The following TBC1D22A variants were observed in gnomAD, a reference collection of about 807,000 sequenced individuals.
TBC1D22A encodes the protein TBC1 domain family member 22A.
Under a neutral mutation model 60.2 loss-of-function variants are expected in TBC1D22A, and 38 were observed. The observed-to-expected ratio is 0.63, with a 90% confidence interval of 0.49 to 0.83. The LOEUF is 0.83. Ranked by LOEUF, TBC1D22A falls within the 40% of genes least tolerant of loss-of-function variation. The probability of loss-of-function intolerance (pLI) is 0.00; values close to 1 mark genes in which losing one functional copy is unlikely to be tolerated. For synonymous variants in TBC1D22A, 302 were observed against 281.7 expected, an observed-to-expected ratio of 1.07 and a Z score of -0.72; for missense variants, 628 against 701.0, an observed-to-expected ratio of 0.90 and a Z score of 1.18.
At chr22:46,972,170 T>A (rs1028545766) in intron 8 of TBC1D22A, among the ~76,000 whole-genome samples, 1 of 152,144 alleles carries the variant, frequency 6.6e-6, no homozygotes, top group African/African-American at 2.4e-5. Context: ...CAAGCCCGGG[T>A]CCCAGGAGGA....
chr22:46,945,417 T>A (rs1323781707), intron 8 of TBC1D22A, among the ~76,000 whole-genome samples: 3 of 152,256 alleles, frequency 2.0e-5, no homozygotes, highest in African/African-American at 7.2e-5. Context: ...AGAACTTTCC[T>A]TGTTATTATG....
intron 8 of TBC1D22A, among the ~76,000 whole-genome samples, chr22:46,945,335 A>C (rs963949413): frequency 6.6e-6 from 1 of 152,214 alleles, no homozygotes; most frequent in Non-Finnish European, 1.5e-5. Context: ...TGAAAATTAG[A>C]AGGCCTGTTT....
chr22:46,906,175 T>C (rs2069451101), intron 7 of TBC1D22A, among the ~76,000 whole-genome samples: 1 of 152,134 alleles, frequency 6.6e-6, no homozygotes, highest in African/African-American at 2.4e-5. Flanking sequence ...CAAGCAGTTA[T>C]TTACCTTTTC....
At chr22:46,983,117 G>A (rs1007416865) in intron 9 of TBC1D22A, among the ~76,000 whole-genome samples, 3 of 152,240 alleles carry the variant, frequency 2.0e-5, no homozygotes, top group Admixed American at 6.5e-5. Context: ...GAGAGTGAAT[G>A]AGGTTGTGAG....
chr22:47,118,092 C>T (rs1242589087), intron 12 of TBC1D22A, among the ~76,000 whole-genome samples: 1 of 152,094 alleles, frequency 6.6e-6, no homozygotes, highest in Non-Finnish European at 1.5e-5. Context: ...CACTGCACTC[C>T]AGCCGGGGCG....
intron 11 of TBC1D22A, among the ~76,000 whole-genome samples, chr22:47,052,224 G>C (rs2063248769): frequency 2.6e-5 from 4 of 152,242 alleles, no homozygotes; most frequent in South Asian, 2.1e-4. Flanking sequence ...CTTTCATTTT[G>C]AATACTTGAG....
In TBC1D22A at chr22:46,904,096, AATCTATCTATCTATCTATCT is replaced by A. The variant is rs748640215; in HGVS notation, c.901-7948_901-7929del. Among the ~76,000 whole-genome samples, 25 of 106,920 alleles carry A rather than the reference AATCTATCTATCTATCTATCT, an allele frequency of 2.3e-4. No individual in the cohort carries two copies. In the East Asian group the frequency reaches 4.7e-3, roughly 20 times the overall value. The allele number at this position is 106,920 out of a possible 152,430, so 70.1% of individuals were successfully genotyped here. Reference sequence around the variant, plus strand: ...TATACATATATACATATCTAAATAAAATCTATCTATCTATCTATCTATCTATCTATCTATCTATCTATCTA... The same window carrying A: ...TATACATATATACATATCTAAATAAAATCTATCTATCTATCTATCTATCTA... On this transcript the variant is annotated intron_variant, in intron 7 of 12. Transcript: ENST00000337137.
rs77034177 is a variant in TBC1D22A, at chr22:46,841,778, A to G, written c.638-36875A>G. On this transcript the variant is annotated intron_variant, in intron 4 of 12. Transcript: ENST00000337137. ...GGATCTCATGTACAGCATGATGACT[A>G]TAGTTAACAGTACTGTATGGTATAC... Among the ~76,000 whole-genome samples, 311 of 152,372 alleles carry G rather than the reference A, an allele frequency of 2.0e-3. 1 individual carries two copies. Among genetic ancestry groups the G allele is most frequent in the African/African-American group, 7.2e-3 (298 of 41,586 alleles).
intron 12 of TBC1D22A, among the ~76,000 whole-genome samples, chr22:47,165,244 C>T (rs2068155794): frequency 6.6e-6 from 1 of 152,120 alleles, no homozygotes; most frequent in Non-Finnish European, 1.5e-5. Context: ...TTGCCTGTCT[C>T]GCTCCAGGGG....
intron 4 of TBC1D22A, among the ~76,000 whole-genome samples, chr22:46,845,165 G>C (rs2086935537): frequency 6.6e-6 from 1 of 152,224 alleles, no homozygotes; most frequent in Admixed American, 6.5e-5. Flanking sequence ...ACGTAACAGT[G>C]GGATATTGAG....
intron 7 of TBC1D22A, among the ~76,000 whole-genome samples, chr22:46,905,263 A>G (rs2069378105): frequency 6.6e-6 from 1 of 152,224 alleles, no homozygotes; most frequent in African/African-American, 2.4e-5. Flanking sequence ...ACAAAAGATA[A>G]AAAGGAATGA....
chr22:46,928,089 G>A (rs1277813370), intron 8 of TBC1D22A, among the ~76,000 whole-genome samples: 1 of 150,470 alleles, frequency 6.6e-6, no homozygotes, highest in Non-Finnish European at 1.5e-5. Flanking sequence ...AAATTCATTT[G>A]GGAATTAAAA....
chr22:46,968,206 T>C (rs970796803), intron 8 of TBC1D22A, among the ~76,000 whole-genome samples: 12 of 152,164 alleles, frequency 7.9e-5, no homozygotes, highest in Admixed American at 5.9e-4. Flanking sequence ...GCATGGATGC[T>C]CCTTACTGAG....
At chr22:47,064,230 T>G (rs1352978990) in intron 11 of TBC1D22A, among the ~76,000 whole-genome samples, 1 of 152,202 alleles carries the variant, frequency 6.6e-6, no homozygotes, top group Non-Finnish European at 1.5e-5. Context: ...GAACTGGCCC[T>G]CCTCTCCCGC....
At chr22:46,789,730 A>T (rs537233537) in intron 1 of TBC1D22A, among the ~76,000 whole-genome samples, 1 of 152,264 alleles carries the variant, frequency 6.6e-6, no homozygotes, top group African/African-American at 2.4e-5. Context: ...TTCTCAAAGC[A>T]GTGGGTGAAA....
At chr22:46,909,321 C>T (rs1027669964) in intron 7 of TBC1D22A, among the ~76,000 whole-genome samples, 4 of 152,194 alleles carry the variant, frequency 2.6e-5, no homozygotes, top group Non-Finnish European at 4.4e-5. Flanking sequence ...CACTCACACA[C>T]TCACTCACTC....
chr22:47,143,742 A>T (rs1304039433), intron 12 of TBC1D22A, among the ~76,000 whole-genome samples: 2 of 152,092 alleles, frequency 1.3e-5, no homozygotes, highest in Admixed American at 1.3e-4. Context: ...TACCCAGCTG[A>T]GCTGTTGATG....
intron 11 of TBC1D22A, among the ~76,000 whole-genome samples, chr22:47,063,933 C>T (rs1274394497): frequency 6.7e-6 from 1 of 149,824 alleles, no homozygotes; most frequent in Non-Finnish European, 1.5e-5. Flanking sequence ...TGGATCAGGG[C>T]CCCCCTACTC....
chr22:47,069,560 C>G (rs2063887223), intron 11 of TBC1D22A, among the ~76,000 whole-genome samples: 2 of 152,240 alleles, frequency 1.3e-5, no homozygotes, highest in South Asian at 4.1e-4. Context: ...TGGAGCAAAA[C>G]CCTGTTGTTT....
Sources: gnomAD v4.1 joint callset for allele counts (sites outside exome capture counted in the v4.1 genomes callset) on GRCh38, gnomAD v4.1.1 for gene constraint, MANE v1.5 for transcripts, NCBI Gene and HGNC (gene_info 2026-07-23, HGNC 2026-07-21) for gene names.